The following CD74 variants were observed in gnomAD, a reference collection of about 807,000 sequenced individuals.
The protein encoded by CD74 is HLA class II histocompatibility antigen gamma chain.
Under a neutral mutation model 37.1 loss-of-function variants are expected in CD74, and 20 were observed. That is an observed-to-expected ratio of 0.54 (90% CI 0.38 to 0.78). The LOEUF is 0.78. Among genes scored for constraint, CD74 ranks in the 30% least tolerant of loss-of-function variants. CD74 has a pLI of 0.00. For synonymous variants in CD74, 150 were observed against 152.0 expected, an observed-to-expected ratio of 0.99 and a Z score of 0.10; for missense variants, 338 against 389.5, an observed-to-expected ratio of 0.87 and a Z score of 1.11.
In CD74 at chr5:150,402,404, C is replaced by G. The variant is rs886713594; in HGVS notation, c.881-154G>C. On this transcript the variant is annotated intron_variant, in intron 8 of 8. Transcript: ENST00000009530. This position sits in a 1 kb window ranked among gnomAD's most constrained non-coding sequence, Gnocchi z 4.2. Reference sequence around the variant, plus strand: ...ATGACCATCATGGATTTGTGTAACTCCCCACAGCCCCCCAACCCTGTTCCT... The same window carrying G: ...ATGACCATCATGGATTTGTGTAACTGCCCACAGCCCCCCAACCCTGTTCCT... 9.1e-6 allele frequency: 8 copies of G among 877,380 alleles called. No individual in the cohort carries two copies. The African/African-American group carries it at 1.1e-4, about 13-fold the overall frequency. 54.3% of individuals were successfully genotyped at this position (877,380 alleles called of 1,614,324 possible).
chr5:150,402,740 C>T lies in CD74; in HGVS notation c.818-115G>A, dbSNP rs2151167973. ...GGCTTAGTGCCTGGGAAAGCAGGTA[C>T]CCAGGGAAGGACAGCTGCAAGCAGC... is the stretch of plus-strand genomic sequence containing the variant. On this transcript the variant is annotated intron_variant, in intron 7 of 8. Coordinates refer to ENST00000009530, the MANE Select transcript of CD74 (RefSeq NM_001025159.3). This position sits in a 1 kb window ranked among gnomAD's most constrained non-coding sequence, Gnocchi z 4.2. 1 of 870,110 alleles carries T rather than the reference C, an allele frequency of 1.1e-6. No individual in the cohort carries two copies. Among genetic ancestry groups the T allele is most frequent in the Non-Finnish European group, 1.8e-6 (1 of 546,988 alleles). 53.9% of individuals were successfully genotyped at this position (870,110 alleles called of 1,614,324 possible). A position where few individuals can be genotyped will look rare whatever the true frequency, so the allele number is the denominator to read the frequency against.
chr5:150,406,638 A>AAT, intron 3 of CD74: 1 of 583,428 alleles, frequency 1.7e-6, no homozygotes, highest in Non-Finnish European at 3.1e-6. Flanking sequence ...TGCTATAGGA[A>AAT]ATGAGAAGCA....
At position 150,406,977 on chromosome 5, in the gene CD74, G is replaced by A. The variant is rs752836949; in HGVS notation, c.299-17C>T. 7.6e-6 allele frequency: 12 copies of A among 1,571,248 alleles called. No homozygotes were observed. The highest frequency in any genetic ancestry group is 9.5e-6 in the Non-Finnish European group (11 of 1,163,492). ...GCTTGGGAGCTGTGGGGACAGGAACGAGGGTAAGTGTGGCCCCGGTGCCCA... is the reference window on the plus strand; with the variant it reads ...GCTTGGGAGCTGTGGGGACAGGAACAAGGGTAAGTGTGGCCCCGGTGCCCA... On this transcript the variant is annotated splice_polypyrimidine_tract_variant and intron_variant, in intron 2 of 8. Transcript: ENST00000009530.
rs1581247677 is a variant in CD74 at position 150,402,424 on chromosome 5, G to C, written c.880+139C>G. On this transcript the variant is annotated intron_variant, in intron 8 of 8. Transcript: ENST00000009530. The surrounding 1 kb of genome is among the most constrained non-coding windows in gnomAD (Gnocchi z 4.2). ...TAACTCCCCACAGCCCCCCAACCCT[G>C]TTCCTTCGTCTGTGAAATGGACATC... 1.1e-6 allele frequency: 1 copy of C among 929,516 alleles called. No homozygotes were observed. Among genetic ancestry groups the C allele is most frequent in the Non-Finnish European group, 1.8e-6 (1 of 564,094 alleles). The allele number at this position is 929,516 out of a possible 1,614,324, so 57.6% of individuals were successfully genotyped here. A position where few individuals can be genotyped will look rare whatever the true frequency, so the allele number is the denominator to read the frequency against.
Position 150,402,609 on chromosome 5 carries a change from C to T in CD74, c.834G>A (p.Glu278=). 1 of 1,612,012 alleles carries T rather than the reference C, an allele frequency of 6.2e-7. No homozygotes were observed. The highest frequency in any genetic ancestry group is 8.5e-7 in the Non-Finnish European group (1 of 1,178,994). ...HHNCSESLEL[E]DPSSGLGVTK... is the part of the protein sequence containing the mutation. ...TCACACCCAGCCCAGAAGACGGGTC[C>T]TCCAGTTCCAGTGACTCTGCAAAGG... The change falls in exon 8 of 9, where the codon GAG becomes GAA. Residue 278 remains glutamate (E), a synonymous_variant. Coordinates refer to ENST00000009530, the MANE Select transcript of CD74 (RefSeq NM_001025159.3). This position sits in a 1 kb window ranked among gnomAD's most constrained non-coding sequence, Gnocchi z 4.2.
chr5:150,410,636 C>T (rs1010746988), intron 1 of CD74, among the ~76,000 whole-genome samples: 1 of 151,472 alleles, frequency 6.6e-6, no homozygotes. Context: ...ACTCTTGTCA[C>T]CCCCCTCTTT....
rs1040606963 is a variant in CD74 at position 150,403,058 on chromosome 5, C to G, written c.817+63G>C. The G allele has an allele frequency of 1.0e-5, 15 of 1,441,102 alleles. No homozygotes were observed. In the Admixed American group the frequency reaches 2.4e-4, roughly 23 times the overall value. 89.3% of individuals were successfully genotyped at this position (1,441,102 alleles called of 1,614,324 possible). A position where few individuals can be genotyped will look rare whatever the true frequency, so the allele number is the denominator to read the frequency against. Reference sequence around the variant, plus strand: ...GTCCCATGTGCTTCAGAGGGGACCTCTTGCCCCTCAACCTTCCTAGTCCTT... The same window carrying G: ...GTCCCATGTGCTTCAGAGGGGACCTGTTGCCCCTCAACCTTCCTAGTCCTT... On this transcript the variant is annotated intron_variant, in intron 7 of 8. Coordinates refer to ENST00000009530, the MANE Select transcript of CD74 (RefSeq NM_001025159.3). The surrounding 1 kb of genome is among the most constrained non-coding windows in gnomAD (Gnocchi z 4.5).
At position 150,402,049 on chromosome 5, in the gene CD74, G is replaced by C; in HGVS notation, c.*191C>G. The C allele has an allele frequency of 6.5e-7, 1 of 1,537,590 alleles. No individual in the cohort carries two copies. Among genetic ancestry groups the C allele is most frequent in the African/African-American group, 1.4e-5 (1 of 73,120 alleles). On this transcript the variant is annotated 3_prime_UTR_variant, in exon 9 of 9. Transcript: ENST00000009530. The surrounding 1 kb of genome is among the most constrained non-coding windows in gnomAD (Gnocchi z 4.2). ...TTGACAGATGGAGATTGGGCAGCAGGGCCTTGCTGCATTGTTATCTGCTGT... is the reference window on the plus strand; with the variant it reads ...TTGACAGATGGAGATTGGGCAGCAGCGCCTTGCTGCATTGTTATCTGCTGT...
rs1769776683 is a variant in CD74, at chr5:150,403,671, CA to C, written c.626-360del. Among the ~76,000 whole-genome samples, 1 of 152,140 alleles carries C rather than the reference CA, an allele frequency of 6.6e-6. No homozygotes were observed. Among genetic ancestry groups the C allele is most frequent in the South Asian group, 2.1e-4 (1 of 4,826 alleles). ...GTCAGGAGTTCAAGACCAGCCTGGC[CA>C]ACATGGTGAAACCCTGTCTCTACTA... On this transcript the variant is annotated intron_variant, in intron 6 of 8. Coordinates refer to ENST00000009530, the MANE Select transcript of CD74 (RefSeq NM_001025159.3). The surrounding 1 kb of genome is among the most constrained non-coding windows in gnomAD (Gnocchi z 4.5).
Position 150,403,751 on chromosome 5 carries a change from C to T in CD74, c.626-439G>A, listed in dbSNP as rs911617820. On this transcript the variant is annotated intron_variant, in intron 6 of 8. Transcript: ENST00000009530. The surrounding 1 kb of genome is among the most constrained non-coding windows in gnomAD (Gnocchi z 4.5). ...GCACATGCCTATAATCCCAGCTACTCGGGAGGCCGAGGCAGGAGAATTGCT... is the reference window on the plus strand; with the variant it reads ...GCACATGCCTATAATCCCAGCTACTTGGGAGGCCGAGGCAGGAGAATTGCT... Among the ~76,000 whole-genome samples, 1 of 152,134 alleles carries T rather than the reference C, an allele frequency of 6.6e-6. No individual in the cohort carries two copies. Among genetic ancestry groups the T allele is most frequent in the Non-Finnish European group, 1.5e-5 (1 of 68,028 alleles).
At chr5:150,405,428 A>G in intron 4 of CD74, 2 of 1,243,080 alleles carry the variant, frequency 1.6e-6, no homozygotes, top group Non-Finnish European at 2.0e-6. Flanking sequence ...CTCTACCAAC[A>G]AGCCCCAGTG....
chr5:150,406,838 C>A (rs201039940), intron 3 of CD74, 43 bp downstream of exon 3: 5 of 1,297,758 alleles, frequency 3.9e-6, no homozygotes, highest in Non-Finnish European at 5.2e-6. Context: ...TCCATCCAGG[C>A]GGGATAACCT....
At chr5:150,412,230 G>T (rs560999864) in intron 1 of CD74, among the ~76,000 whole-genome samples, 2 of 152,350 alleles carry the variant, frequency 1.3e-5, no homozygotes, top group African/African-American at 4.8e-5. Flanking sequence ...CTCCCAAAGT[G>T]CTGGGATTAC....
chr5:150,406,846 C>T, intron 3 of CD74, 35 bp downstream of exon 3: 2 of 1,378,536 alleles, frequency 1.5e-6, no homozygotes, highest in Non-Finnish European at 1.9e-6. Context: ...GGCGGGATAA[C>T]CTTGCCCCTC....
chr5:150,404,382 A>G (rs955701768), intron 6 of CD74: 13 of 338,980 alleles, frequency 3.8e-5, no homozygotes, highest in Non-Finnish European at 6.7e-5. Context: ...GTTCTACCCC[A>G]GGCACCCTGT....
In CD74 at chr5:150,412,811, C is replaced by A. The variant is rs1473161655; in HGVS notation, c.-62G>T. ...GGTGCTGGAGAGGAATCTGATTCGT[C>A]CACAGAAGGCCACTCCGCCCACTTG... is the stretch of plus-strand genomic sequence containing the variant. On this transcript the variant is annotated 5_prime_UTR_variant, in exon 1 of 9. Transcript: ENST00000009530. The A allele has an allele frequency of 1.2e-6, 2 of 1,602,774 alleles. No individual in the cohort carries two copies. Among genetic ancestry groups the A allele is most frequent in the Non-Finnish European group, 1.7e-6 (2 of 1,174,678 alleles).
intron 3 of CD74, 129 bp from the exon 4 acceptor site, chr5:150,406,450 G>A: frequency 1.4e-6 from 1 of 738,302 alleles, no homozygotes; most frequent in Non-Finnish European, 2.4e-6. Context: ...TTCCATCTCT[G>A]CCACCTCCAA....
At chr5:150,412,328 T>C (rs1480455013) in intron 1 of CD74, among the ~76,000 whole-genome samples, 5 of 152,340 alleles carry the variant, frequency 3.3e-5, no homozygotes, top group African/African-American at 1.2e-4. Context: ...AGCCCCTGCA[T>C]AGCATGTGAA....
chr5:150,412,092 GT>G lies in CD74; in HGVS notation c.125+532del, dbSNP rs199728819. Among the ~76,000 whole-genome samples the G allele has an allele frequency of 7.9e-5, 12 of 152,326 alleles. No homozygotes were observed. In the East Asian group the frequency reaches 2.3e-3, roughly 29 times the overall value. ...TGATTCTCATGTCTCAACCTCCCAA[GT>G]AGGTGGGATTACAGGTGTACACCAC... On this transcript the variant is annotated intron_variant, in intron 1 of 8. Transcript: ENST00000009530.
Sources: allele counts gnomAD v4.1 joint callset (sites outside exome capture counted in the v4.1 genomes callset), GRCh38; gene constraint gnomAD v4.1.1; non-coding constraint Gnocchi (gnomAD v3.1); transcripts MANE v1.5; gene names NCBI Gene and HGNC (gene_info 2026-07-23, HGNC 2026-07-21).